The following NXPH1 variants were observed in gnomAD, a reference collection of about 807,000 sequenced individuals.
NXPH1 encodes neurexophilin-1.
NXPH1 carries 5 observed loss-of-function variants against 23.7 expected under a neutral mutation model. That is an observed-to-expected ratio of 0.21 (90% CI 0.11 to 0.44). The LOEUF (loss-of-function observed/expected upper bound fraction) is 0.44. NXPH1 is among the 20% of genes least tolerant of loss of function. The pLI, the probability that NXPH1 is intolerant of heterozygous loss-of-function variation, is 0.99. For synonymous variants in NXPH1, 144 were observed against 122.2 expected (o/e 1.18, Z -1.18); for missense variants, 324 against 321.6 (o/e 1.01, Z -0.06).
intron 2 of NXPH1, among the ~76,000 whole-genome samples, chr7:8,718,947 C>T (rs920636519): frequency 3.9e-5 from 6 of 152,202 alleles, no homozygotes; most frequent in Non-Finnish European, 8.8e-5. Context: ...TGCTTTGGCA[C>T]TCATATGCCA....
At chr7:8,466,529 T>C (rs940229834) in intron 2 of NXPH1, among the ~76,000 whole-genome samples, 2 of 152,184 alleles carry the variant, frequency 1.3e-5, no homozygotes, top group African/African-American at 4.8e-5. Context: ...TTGCTGGAGT[T>C]CTGATCTATT....
chr7:8,648,795 C>G (rs1359031144), intron 2 of NXPH1, among the ~76,000 whole-genome samples: 2 of 152,124 alleles, frequency 1.3e-5, no homozygotes, highest in Non-Finnish European at 2.9e-5. Flanking sequence ...TTATCAATTA[C>G]TAAATGAGGG....
At chr7:8,748,078 A>G (rs1317442045) in intron 2 of NXPH1, among the ~76,000 whole-genome samples, 2 of 152,198 alleles carry the variant, frequency 1.3e-5, no homozygotes, top group Non-Finnish European at 2.9e-5. Flanking sequence ...AAGAAAAGTT[A>G]TATATTCCTA....
chr7:8,586,434 G>A (rs1818982957), intron 2 of NXPH1, among the ~76,000 whole-genome samples: 2 of 152,144 alleles, frequency 1.3e-5, no homozygotes, highest in African/African-American at 4.8e-5. Context: ...TTGCTGGTAT[G>A]CAAGTAGAGA....
At chr7:8,722,893 TG>T in intron 2 of NXPH1, among the ~76,000 whole-genome samples, 1 of 152,352 alleles carries the variant, frequency 6.6e-6, no homozygotes, top group African/African-American at 2.4e-5. Context: ...CAGCCTCAGA[TG>T]TTTAGTGATT....
chr7:8,727,731 G>T (rs1198820780), intron 2 of NXPH1, among the ~76,000 whole-genome samples: 1 of 152,052 alleles, frequency 6.6e-6, no homozygotes, highest in Non-Finnish European at 1.5e-5. Context: ...TGCTGTTTTG[G>T]TTACTGTAGC....
intron 2 of NXPH1, among the ~76,000 whole-genome samples, chr7:8,620,273 T>C (rs941520161): frequency 6.6e-6 from 1 of 152,222 alleles, no homozygotes; most frequent in Non-Finnish European, 1.5e-5. Flanking sequence ...GTTTTCACAG[T>C]CTGCATTCAT....
intron 2 of NXPH1, among the ~76,000 whole-genome samples, chr7:8,533,412 G>A (rs990414626): frequency 2.6e-5 from 4 of 151,976 alleles, no homozygotes; most frequent in Admixed American, 2.0e-4. Context: ...TGTAAGAAGT[G>A]CAAATAATCT....
intron 2 of NXPH1, among the ~76,000 whole-genome samples, chr7:8,488,656 C>T (rs563064279): frequency 5.3e-5 from 8 of 152,044 alleles, no homozygotes; most frequent in Non-Finnish European, 7.4e-5. Context: ...CTTTCATGTT[C>T]GCCTTCATAT....
At chr7:8,483,964 C>T (rs796895364) in intron 2 of NXPH1, among the ~76,000 whole-genome samples, 36 of 133,476 alleles carry the variant, frequency 2.7e-4, no homozygotes, top group African/African-American at 1.4e-3. Flanking sequence ...ACTCCCCCCA[C>T]CTTTTTTTTT....
At chr7:8,455,578 G>C (rs868362103) in intron 2 of NXPH1, among the ~76,000 whole-genome samples, 2 of 152,134 alleles carry the variant, frequency 1.3e-5, no homozygotes, top group South Asian at 2.1e-4. Context: ...GCACAGCCTC[G>C]TGGCCTGCAT....
chr7:8,539,007 C>G (rs1818069948), intron 2 of NXPH1, among the ~76,000 whole-genome samples: 1 of 151,840 alleles, frequency 6.6e-6, no homozygotes, highest in African/African-American at 2.4e-5. Context: ...TCATGTAAAT[C>G]TGAGTAAATG....
intron 2 of NXPH1, among the ~76,000 whole-genome samples, chr7:8,449,723 T>G (rs115035607): frequency 1.9e-3 from 282 of 152,350 alleles, no homozygotes; most frequent in African/African-American, 6.4e-3. Flanking sequence ...CATAAAAATA[T>G]TTCAAAAGAA....
intron 2 of NXPH1, among the ~76,000 whole-genome samples, chr7:8,521,047 T>C (rs1188724631): frequency 1.3e-5 from 2 of 152,318 alleles, no homozygotes; most frequent in African/African-American, 4.8e-5. Context: ...CTTGATCAGA[T>C]GATGTTTTCT....
chr7:8,680,689 G>T (rs1821035598), intron 2 of NXPH1, among the ~76,000 whole-genome samples: 1 of 152,198 alleles, frequency 6.6e-6, no homozygotes, highest in Admixed American at 6.5e-5. Context: ...GAATTATTAT[G>T]CAATGATCAA....
chr7:8,585,432 C>T (rs1231965483), intron 2 of NXPH1, among the ~76,000 whole-genome samples: 1 of 152,138 alleles, frequency 6.6e-6, no homozygotes, highest in African/African-American at 2.4e-5. Context: ...TAGAGAGTAG[C>T]TCAATTCTTT....
intron 2 of NXPH1, among the ~76,000 whole-genome samples, chr7:8,618,139 T>C (rs1351084747): frequency 6.6e-6 from 1 of 152,166 alleles, no homozygotes; most frequent in Non-Finnish European, 1.5e-5. Context: ...CTGTCCAACC[T>C]ACATCTTTTC....
chr7:8,506,441 A>G lies in NXPH1; in HGVS notation c.54+70674A>G, dbSNP rs145623299. On this transcript the variant is annotated intron_variant, in intron 2 of 2. Coordinates refer to ENST00000405863, the MANE Select transcript of NXPH1 (RefSeq NM_152745.3). ...ACTTGTGAAGATTAAGTGAGAAAAG[A>G]TGTTTGGAGTGCAATTTGTAAGTTT... 3.5e-4 allele frequency among the ~76,000 whole-genome samples: 53 copies of G among 152,184 alleles called. No homozygotes were observed. The East Asian group carries it at 8.5e-3, about 25-fold the overall frequency.
At chr7:8,443,677 T>A (rs898159556) in intron 2 of NXPH1, among the ~76,000 whole-genome samples, 8 of 152,188 alleles carry the variant, frequency 5.3e-5, no homozygotes, top group Non-Finnish European at 8.8e-5. Flanking sequence ...AATCGATATA[T>A]TTGCTATCGA....
Sources: gnomAD v4.1 joint callset for allele counts (sites outside exome capture counted in the v4.1 genomes callset) on GRCh38, gnomAD v4.1.1 for gene constraint, MANE v1.5 for transcripts, NCBI Gene and HGNC (gene_info 2026-07-23, HGNC 2026-07-21) for gene names.